Variants in TNFRSF11B observed in about 807,000 individuals in gnomAD.
TNFRSF11B encodes TNF receptor superfamily member 11b.
A neutral mutation model predicts 43.4 loss-of-function variants in TNFRSF11B; 16 were observed. The observed-to-expected ratio is 0.37, with a 90% CI of 0.25 to 0.56. TNFRSF11B has a LOEUF of 0.56. Among genes scored for constraint, TNFRSF11B ranks in the 20% least tolerant of loss-of-function variants. The pLI, the probability that TNFRSF11B is intolerant of heterozygous loss-of-function variation, is 0.80. For missense variants in TNFRSF11B, 444 were observed against 490.1 expected (o/e 0.91, Z 0.89); for synonymous variants, 185 against 181.8 (o/e 1.02, Z -0.14).
At chr8:118,944,294 C>T (rs1044569445) in intron 1 of TNFRSF11B, among the ~76,000 whole-genome samples, 1 of 152,102 alleles carries the variant, frequency 6.6e-6, no homozygotes, top group East Asian at 1.9e-4. Context: ...GCAACCAATA[C>T]CTGAAATATT....
At chr8:118,949,478 A>C (rs574992340) in intron 1 of TNFRSF11B, among the ~76,000 whole-genome samples, 1 of 152,308 alleles carries the variant, frequency 6.6e-6, no homozygotes, top group African/African-American at 2.4e-5. Context: ...GGATATATGC[A>C]TATCATTATT....
chr8:118,947,661 GTGCTTTT>G (rs1812586010), intron 1 of TNFRSF11B, among the ~76,000 whole-genome samples: 2 of 152,142 alleles, frequency 1.3e-5, no homozygotes, highest in Non-Finnish European at 2.9e-5. Context: ...CACACACAAA[GTGCTTTT>G]TGCATAATTG....
chr8:118,949,892 A>G (rs1392630985), intron 1 of TNFRSF11B, among the ~76,000 whole-genome samples: 1 of 152,218 alleles, frequency 6.6e-6, no homozygotes, highest in African/African-American at 2.4e-5. Flanking sequence ...ATGTGTAAAT[A>G]CAAAGTGTCC....
intron 1 of TNFRSF11B, among the ~76,000 whole-genome samples, chr8:118,943,879 T>C (rs1812523525): frequency 6.6e-6 from 1 of 152,116 alleles, no homozygotes; most frequent in Admixed American, 6.6e-5. Flanking sequence ...AGTCTACTGG[T>C]GCCTGTTGAC....
chr8:118,927,832 G>A (rs1812267653), intron 3 of TNFRSF11B, among the ~76,000 whole-genome samples: 1 of 152,084 alleles, frequency 6.6e-6, no homozygotes, highest in African/African-American at 2.4e-5. Flanking sequence ...GAGTGACAAG[G>A]TGAACACACA....
chr8:118,951,712 G>A (rs954176193), intron 1 of TNFRSF11B, 80 bp downstream of exon 1: 3 of 1,389,862 alleles, frequency 2.2e-6, no homozygotes, highest in African/African-American at 2.9e-5. Context: ...TCTCCCCGCC[G>A]GTCCGCTGGG....
At chr8:118,926,028 A>G (rs1812240274) in intron 4 of TNFRSF11B, among the ~76,000 whole-genome samples, 1 of 152,244 alleles carries the variant, frequency 6.6e-6, no homozygotes, top group Admixed American at 6.5e-5. Flanking sequence ...AATGCAGGCC[A>G]TATCATGAGG....
chr8:118,928,927 T>A lies in TNFRSF11B; in HGVS notation c.403A>T (p.Thr135Ser). Residue 135 changes from threonine to serine, a missense_variant and splice_region_variant, in exon 3 of 5, where the codon ACC becomes TCC. Coordinates refer to ENST00000297350, the MANE Select transcript of TNFRSF11B (RefSeq NM_002546.4). ...TTGCAAACTGTATTTCGCTCTGGGG[T>A]TCCTACAGAAAATACCAAGCAATTT... ...PPGFGVVQAG[T>S]PERNTVCKRC... The A allele has an allele frequency of 6.2e-7, 1 of 1,614,058 alleles. No homozygotes were observed.
chr8:118,946,882 A>T (rs1812570102), intron 1 of TNFRSF11B, among the ~76,000 whole-genome samples: 1 of 152,154 alleles, frequency 6.6e-6, no homozygotes, highest in Non-Finnish European at 1.5e-5. Context: ...TATCAAACCA[A>T]AAATGAACAC....
intron 4 of TNFRSF11B, among the ~76,000 whole-genome samples, chr8:118,925,801 C>CCGG (rs2129880533): frequency 6.6e-6 from 1 of 152,318 alleles, no homozygotes; most frequent in Non-Finnish European, 1.5e-5. Flanking sequence ...AGCTTACAGT[C>CCGG]CACACTGGAT....
intron 2 of TNFRSF11B, among the ~76,000 whole-genome samples, chr8:118,932,097 C>T (rs1387828193): frequency 6.6e-6 from 1 of 152,156 alleles, no homozygotes; most frequent in Non-Finnish European, 1.5e-5. Context: ...CAAACTGAGT[C>T]ATCAGAATCT....
rs1438796168 is a variant in TNFRSF11B at position 118,928,766 on chromosome 8, G to A, written c.564C>T (p.Asn188=). 1.9e-6 allele frequency: 3 copies of A among 1,614,210 alleles called. No individual in the cohort carries two copies. In the East Asian group the frequency reaches 6.7e-5, roughly 36 times the overall value. Residue 188 remains asparagine (N), a synonymous_variant, in exon 3 of 5, where the codon AAC becomes AAT. Coordinates refer to ENST00000297350, the MANE Select transcript of TNFRSF11B (RefSeq NM_002546.4). Reference sequence around the variant, plus strand: ...TTCCACATTTTTGAGTTGATTCACTGTTTCCGGAACATATGTTGTCGTGTG... The same window carrying A: ...TTCCACATTTTTGAGTTGATTCACTATTTCCGGAACATATGTTGTCGTGTG... ...NATHDNICSG[N]SESTQKCGID... is the part of the protein sequence containing the mutation.
At chr8:118,925,676 C>T (rs1812237059) in intron 4 of TNFRSF11B, among the ~76,000 whole-genome samples, 1 of 152,142 alleles carries the variant, frequency 6.6e-6, no homozygotes, top group African/African-American at 2.4e-5. Flanking sequence ...TGGTGAGGAC[C>T]TGAATGAATT....
chr8:118,923,950 A>G lies in TNFRSF11B; in HGVS notation c.*424T>C, dbSNP rs1812214605. The G allele has an allele frequency of 6.2e-6, 1 of 160,228 alleles. No individual in the cohort carries two copies. Among genetic ancestry groups the G allele is most frequent in the African/African-American group, 2.4e-5 (1 of 41,532 alleles). The allele number at this position is 160,228 out of a possible 1,614,324, so 9.9% of individuals were successfully genotyped here. A position where few individuals can be genotyped will look rare whatever the true frequency, so the allele number is the denominator to read the frequency against. ...TATATCTGAATGAATATAAATAGCAATACTGTAATAGTGTTACAGATATAT... is the reference window on the plus strand; with the variant it reads ...TATATCTGAATGAATATAAATAGCAGTACTGTAATAGTGTTACAGATATAT... On this transcript the variant is annotated 3_prime_UTR_variant, in exon 5 of 5. Coordinates refer to ENST00000297350, the MANE Select transcript of TNFRSF11B (RefSeq NM_002546.4).
At position 118,924,504 on chromosome 8, in the gene TNFRSF11B, T is replaced by G. The variant is rs769203476; in HGVS notation, c.1076A>C (p.Lys359Thr). Reference sequence around the variant, plus strand: ...CTTCTTTAGACTCTGAGTGACAGTTTTGGGAAAGTGGTACGTCTTTGAGTG... The same window carrying G: ...CTTCTTTAGACTCTGAGTGACAGTTGTGGGAAAGTGGTACGTCTTTGAGTG... ...LKHSKTYHFP[K>T]TVTQSLKKTI... is the part of the protein sequence containing the mutation. Residue 359 changes from lysine to threonine, a missense_variant, in exon 5 of 5, where the codon AAA becomes ACA. By Grantham distance (78) the Lys-to-Thr change is moderately conservative (BLOSUM62 -1). Transcript: ENST00000297350. The G allele has an allele frequency of 3.1e-6, 5 of 1,613,946 alleles. No homozygotes were observed. The highest frequency in any genetic ancestry group is 3.3e-5 in the Admixed American group (2 of 59,988).
rs1298671770 is a variant in TNFRSF11B at position 118,928,625 on chromosome 8, A to G, written c.592+113T>C. 13 of 1,212,996 alleles carry G rather than the reference A, an allele frequency of 1.1e-5. No individual in the cohort carries two copies. The East Asian group carries it at 2.8e-4, about 26-fold the overall frequency. The allele number at this position is 1,212,996 out of a possible 1,614,324, so 75.1% of individuals were successfully genotyped here. A position where few individuals can be genotyped will look rare whatever the true frequency, so the allele number is the denominator to read the frequency against. Reference sequence around the variant, plus strand: ...AGTAGCCTTAGCTGGTTAAGATTCAAGAAAGGGAAAATGTAAGTTTGACCA... The same window carrying G: ...AGTAGCCTTAGCTGGTTAAGATTCAGGAAAGGGAAAATGTAAGTTTGACCA... On this transcript the variant is annotated intron_variant, in intron 3 of 4. Coordinates refer to ENST00000297350, the MANE Select transcript of TNFRSF11B (RefSeq NM_002546.4).
Position 118,933,020 on chromosome 8 carries a change from A to G in TNFRSF11B, c.311T>C (p.Val104Ala), listed in dbSNP as rs1411041510. ...GTAGCGCCCTTCCTTGCATTCGCAC[A>G]CGCGGTTGTGGGTGCGATTGCACTC... The part of the protein sequence containing the change: ...KQECNRTHNR[V>A]CECKEGRYLE... The change falls in exon 2 of 5, where the codon GTG becomes GCG. Residue 104 changes from valine to alanine, a missense_variant. Coordinates refer to ENST00000297350, the MANE Select transcript of TNFRSF11B (RefSeq NM_002546.4). The G allele has an allele frequency of 6.2e-7, 1 of 1,614,154 alleles. No homozygotes were observed. The highest frequency in any genetic ancestry group is 1.1e-5 in the South Asian group (1 of 91,074).
At chr8:118,948,126 G>A (rs1812592891) in intron 1 of TNFRSF11B, among the ~76,000 whole-genome samples, 1 of 152,126 alleles carries the variant, frequency 6.6e-6, no homozygotes, top group Admixed American at 6.5e-5. Flanking sequence ...GAGAACTACT[G>A]CCCTACAGGG....
intron 1 of TNFRSF11B, among the ~76,000 whole-genome samples, chr8:118,935,807 AGAGG>A (rs3081402): frequency 0.33 from 49,962 of 151,838 alleles, 10,180 homozygotes; most frequent in Non-Finnish European, 0.45. Context: ...TTAGAGATCC[AGAGG>A]GATTCCTTTA....
Sources: gnomAD v4.1 joint callset for allele counts (sites outside exome capture counted in the v4.1 genomes callset) on GRCh38, gnomAD v4.1.1 for gene constraint, MANE v1.5 for transcripts, NCBI Gene and HGNC (gene_info 2026-07-23, HGNC 2026-07-21) for gene names.